The following LRP1B variants were observed in gnomAD, a reference collection of about 807,000 sequenced individuals.
LRP1B encodes the protein low-density lipoprotein receptor-related protein 1B.
LRP1B carries 217 observed loss-of-function variants against 556.6 expected under a neutral mutation model. That is an observed-to-expected ratio of 0.39 (90% CI 0.35 to 0.44). The LOEUF (loss-of-function observed/expected upper bound fraction) is 0.44. Ranked by LOEUF, LRP1B falls within the 20% of genes least tolerant of loss-of-function variation. The pLI is 1.00. For missense variants in LRP1B, 5,053 were observed against 5,620.8 expected, an observed-to-expected ratio of 0.90 and a Z score of 3.23; for synonymous variants, 2,047 against 1,865.8, an observed-to-expected ratio of 1.10 and a Z score of -2.50.
chr2:141,611,724 G>C (rs1484211009), intron 2 of LRP1B, among the ~76,000 whole-genome samples: 1 of 152,172 alleles, frequency 6.6e-6, no homozygotes, highest in East Asian at 1.9e-4. Context: ...GCCATGCCAG[G>C]CAGAATGGTT....
intron 41 of LRP1B, among the ~76,000 whole-genome samples, chr2:140,634,008 G>T (rs1683986619): frequency 6.6e-6 from 1 of 152,118 alleles, no homozygotes; most frequent in South Asian, 2.1e-4. Flanking sequence ...AAGGAAAACG[G>T]CAGACCAATG....
Position 140,232,420 on chromosome 2 carries a change from A to T in LRP1B, c.*766T>A, listed in dbSNP as rs139988901. 1 of 151,718 alleles carries T rather than the reference A, an allele frequency of 6.6e-6. No individual in the cohort carries two copies. The highest frequency in any genetic ancestry group is 2.0e-4 in the East Asian group (1 of 5,090). 9.4% of individuals were successfully genotyped at this position (151,718 alleles called of 1,614,324 possible). ...ATTTATCTCGAGACTGAGGGAGAAT[A>T]AAAGGTCTTATTCCATAGCAAGTGC... On this transcript the variant is annotated 3_prime_UTR_variant, in exon 91 of 91. Transcript: ENST00000389484.
At chr2:140,994,761 T>C (rs953347021) in intron 15 of LRP1B, among the ~76,000 whole-genome samples, 4 of 152,040 alleles carry the variant, frequency 2.6e-5, no homozygotes, top group African/African-American at 9.7e-5. Context: ...AAATTTTACA[T>C]ACTTTAAATT....
At chr2:141,309,274 T>C in intron 3 of LRP1B, among the ~76,000 whole-genome samples, 1 of 152,244 alleles carries the variant, frequency 6.6e-6, no homozygotes. Flanking sequence ...AAGACATCAA[T>C]AACTTGTCTT....
chr2:141,356,346 T>C (rs1187113539), intron 3 of LRP1B, among the ~76,000 whole-genome samples: 2 of 152,120 alleles, frequency 1.3e-5, no homozygotes, highest in Admixed American at 6.6e-5. Flanking sequence ...GTTGGGCAAG[T>C]GCACAGTTGG....
At chr2:142,095,510 T>C (rs531711884) in intron 1 of LRP1B, among the ~76,000 whole-genome samples, 3 of 151,672 alleles carry the variant, frequency 2.0e-5, no homozygotes, top group African/African-American at 7.3e-5. Flanking sequence ...TAAGAAGAAA[T>C]CAATATCTAA....
intron 2 of LRP1B, among the ~76,000 whole-genome samples, chr2:141,753,632 C>T (rs775540979): frequency 6.6e-6 from 1 of 151,906 alleles, no homozygotes; most frequent in Non-Finnish European, 1.5e-5. Flanking sequence ...CACACAGTAG[C>T]CTGATTCACA....
chr2:140,823,164 G>A (rs1691384954), intron 31 of LRP1B, among the ~76,000 whole-genome samples: 1 of 152,110 alleles, frequency 6.6e-6, no homozygotes, highest in African/African-American at 2.4e-5. Context: ...ATTGCTATGA[G>A]CTAATTGATG....
intron 2 of LRP1B, among the ~76,000 whole-genome samples, chr2:141,526,377 T>A (rs1166722748): frequency 6.6e-6 from 1 of 152,034 alleles, no homozygotes; most frequent in African/African-American, 2.4e-5. Context: ...AATCCATAAG[T>A]CTGTTTAATC....
intron 2 of LRP1B, among the ~76,000 whole-genome samples, chr2:141,716,535 G>A (rs1469058802): frequency 2.0e-5 from 3 of 152,166 alleles, no homozygotes; most frequent in East Asian, 3.9e-4. Context: ...GAGAAATTTA[G>A]GAGGGATAAA....
intron 20 of LRP1B, among the ~76,000 whole-genome samples, chr2:140,935,028 C>T (rs115426335): frequency 6.6e-6 from 1 of 152,108 alleles, no homozygotes; most frequent in Non-Finnish European, 1.5e-5. Context: ...AGATAACCTA[C>T]AGCAATTTAA....
chr2:141,437,513 C>G (rs1006267725), intron 3 of LRP1B, among the ~76,000 whole-genome samples: 1 of 151,904 alleles, frequency 6.6e-6, no homozygotes, highest in Admixed American at 6.6e-5. Context: ...TGGTCACCAG[C>G]CTGTATTTAT....
chr2:140,617,297 A>G (rs1351837722), intron 41 of LRP1B, among the ~76,000 whole-genome samples: 1 of 152,022 alleles, frequency 6.6e-6, no homozygotes, highest in Non-Finnish European at 1.5e-5. Flanking sequence ...TATCACACAG[A>G]TAACTGTAAC....
intron 1 of LRP1B, among the ~76,000 whole-genome samples, chr2:142,083,889 A>G (rs185494209): frequency 3.3e-5 from 5 of 152,286 alleles, no homozygotes; most frequent in African/African-American, 9.6e-5. Context: ...ATGTATTATA[A>G]AGACATTGTG....
intron 1 of LRP1B, among the ~76,000 whole-genome samples, chr2:141,868,595 T>C (rs1480970289): frequency 6.6e-6 from 1 of 152,146 alleles, no homozygotes. Context: ...AGAATAGTAG[T>C]TGGGGGAAAG....
intron 2 of LRP1B, among the ~76,000 whole-genome samples, chr2:141,665,460 A>G (rs184717699): frequency 1.3e-5 from 2 of 152,310 alleles, no homozygotes; most frequent in Admixed American, 1.3e-4. Context: ...GAGAAGTTGG[A>G]ACACTTTTAC....
chr2:140,769,133 A>G (rs1228195613), intron 35 of LRP1B, 80 bp downstream of exon 35: 2 of 1,301,786 alleles, frequency 1.5e-6, no homozygotes, highest in Non-Finnish European at 2.2e-6. Context: ...TAAAGCACAG[A>G]GGAAAAGATT....
chr2:140,662,168 C>CAT (rs1325885576), intron 41 of LRP1B, among the ~76,000 whole-genome samples: 2 of 151,686 alleles, frequency 1.3e-5, no homozygotes, highest in African/African-American at 2.4e-5. Flanking sequence ...TATATTACTA[C>CAT]ATATATATAT....
intron 41 of LRP1B, among the ~76,000 whole-genome samples, chr2:140,690,112 G>A (rs1686185491): frequency 6.6e-6 from 1 of 151,276 alleles, no homozygotes; most frequent in South Asian, 2.1e-4. Flanking sequence ...CCTTCTTAAA[G>A]GTGTCCCCCT....
Sources: gnomAD v4.1 joint callset for allele counts (sites outside exome capture counted in the v4.1 genomes callset) on GRCh38, gnomAD v4.1.1 for gene constraint, MANE v1.5 for transcripts, NCBI Gene and HGNC (gene_info 2026-07-23, HGNC 2026-07-21) for gene names.